GUCY2F: variants seen among roughly 807,000 people sequenced by gnomAD.
GUCY2F encodes guanylate cyclase 2F, retinal, also known as retinal guanylyl cyclase 2.
GUCY2F carries 61 observed loss-of-function variants against 73.1 expected under a neutral mutation model. That is an observed-to-expected ratio of 0.83 (90% confidence interval 0.68 to 1.03). The LOEUF (loss-of-function observed/expected upper bound fraction) is 1.03. Ranked by LOEUF, GUCY2F falls within the 50% of genes least tolerant of loss-of-function variation. The pLI is 0.00. For synonymous variants in GUCY2F, 331 were observed against 307.8 expected (o/e 1.08, Z -0.79); for missense variants, 912 against 854.3 (o/e 1.07, Z -0.84).
intron 11 of GUCY2F, 38 bp from the exon 12 acceptor site, chrX:109,395,527 G>A: frequency 8.8e-7 from 1 of 1,142,400 alleles, no homozygotes; most frequent in Admixed American, 2.4e-5. Flanking sequence ...TACAAATCAT[G>A]GAAAAAATGA....
intron 7 of GUCY2F, among the ~76,000 whole-genome samples, chrX:109,439,596 T>C (rs1268225848): frequency 9.0e-6 from 1 of 111,164 alleles, no homozygotes; most frequent in Non-Finnish European, 1.9e-5. Context: ...CATCTTACTA[T>C]AAGCAGTTAA....
At chrX:109,470,478 C>T (rs1371976917) in intron 2 of GUCY2F, among the ~76,000 whole-genome samples, 1 of 111,542 alleles carries the variant, frequency 9.0e-6, no homozygotes, top group African/African-American at 3.3e-5. Context: ...TACGTTGAGG[C>T]ACATAAAAGA....
Position 109,476,775 on chromosome X carries a change from CAGACTA to C in GUCY2F, c.-85-760_-85-755del, listed in dbSNP as rs202160564. Reference sequence around the variant, plus strand: ...ATAGATAGATAGATAGATAGATAGACAGACTATATATATATGTGTGTGTGTATATAT... The same window carrying C: ...ATAGATAGATAGATAGATAGATAGACTATATATATGTGTGTGTGTATATAT... On this transcript the variant is annotated intron_variant, in intron 1 of 19. Coordinates refer to ENST00000218006, the MANE Select transcript of GUCY2F (RefSeq NM_001522.3). Among the ~76,000 whole-genome samples, 950 of 95,320 alleles carry C rather than the reference CAGACTA, an allele frequency of 1.0e-2. 13 individuals are homozygous for C. Among genetic ancestry groups the C allele is most frequent in the East Asian group, 0.049 (166 of 3,397 alleles). 82.8% of individuals were successfully genotyped at this position (95,320 alleles called of 115,157 possible).
At chrX:109,418,530 AT>A (rs769225132) in intron 8 of GUCY2F, among the ~76,000 whole-genome samples, 74 of 111,909 alleles carry the variant, frequency 6.6e-4, no homozygotes, top group African/African-American at 2.2e-3. Context: ...ATATCTGGTA[AT>A]TAAGCATATA....
At chrX:109,461,897 A>C (rs1242032507) in intron 3 of GUCY2F, among the ~76,000 whole-genome samples, 1 of 112,661 alleles carries the variant, frequency 8.9e-6, no homozygotes, top group African/African-American at 3.2e-5. Context: ...TGACCTGTTG[A>C]CCAAATAGGG....
rs1021594310 is a variant in GUCY2F, at chrX:109,452,035, G to A, written c.1460C>T (p.Ala487Val). 2 of 1,043,011 alleles carry A rather than the reference G, an allele frequency of 1.9e-6. No individual in the cohort carries two copies. Among genetic ancestry groups the A allele is most frequent in the Non-Finnish European group, 2.7e-6 (2 of 741,974 alleles). The allele number at this position is 1,043,011 out of a possible 1,213,427, so 86.0% of individuals were successfully genotyped here. A position where few individuals can be genotyped will look rare whatever the true frequency, so the allele number is the denominator to read the frequency against. ...ACAAAAAATGTACCTTATAAAGTAA[G>A]CAAATCCATTAATAGACAGCAGGGC... ...LIALLSINGF[A>V]YFIRRRINKI... The change falls in exon 5 of 20, where the codon GCT becomes GTT. Residue 487 changes from alanine to valine, a missense_variant. By Grantham distance (64) the Ala-to-Val change is moderately conservative (BLOSUM62 0). Transcript: ENST00000218006.
chrX:109,404,368 T>A lies in GUCY2F; in HGVS notation c.2085A>T (p.Leu695Phe). 1 of 1,198,154 alleles carries A rather than the reference T, an allele frequency of 8.3e-7. No individual in the cohort carries two copies. Among genetic ancestry groups the A allele is most frequent in the Non-Finnish European group, 1.1e-6 (1 of 883,220 alleles). Residue 695 changes from leucine (L) to phenylalanine (F), a missense_variant, in exon 10 of 20, where the codon TTA becomes TTT. By Grantham distance (22) the Leu-to-Phe change is conservative (BLOSUM62 0). Coordinates refer to ENST00000218006, the MANE Select transcript of GUCY2F (RefSeq NM_001522.3). ...CCTCTTCAGAGAGTCTCAGCATTTC[T>A]AAGATGTCGTTAAAGCCATAATCTG... ...KVTDYGFNDI[L>F]EMLRLSEEES... is the part of the protein sequence containing the mutation.
intron 7 of GUCY2F, among the ~76,000 whole-genome samples, chrX:109,440,889 T>A (rs1308786670): frequency 1.8e-5 from 2 of 111,992 alleles, no homozygotes; most frequent in African/African-American, 6.5e-5. Context: ...GAAAAATAAA[T>A]AACTGAATAA....
chrX:109,466,547 T>G (rs1209598078), intron 2 of GUCY2F, among the ~76,000 whole-genome samples: 1 of 111,671 alleles, frequency 9.0e-6, no homozygotes, highest in Admixed American at 9.5e-5. Flanking sequence ...GAAAGTCTTA[T>G]ATCCAATTTT....
chrX:109,421,431 T>C (rs750712553), intron 8 of GUCY2F, among the ~76,000 whole-genome samples: 30 of 111,410 alleles, frequency 2.7e-4, no homozygotes, highest in Non-Finnish European at 4.9e-4. Context: ...TCCTGTCACA[T>C]GCTACAACAT....
At chrX:109,421,726 G>T (rs183395276) in intron 8 of GUCY2F, among the ~76,000 whole-genome samples, 114 of 111,410 alleles carry the variant, frequency 1.0e-3, no homozygotes, top group African/African-American at 3.6e-3. Context: ...AAATGGTTAA[G>T]ATGGTAAATT....
In GUCY2F at chrX:109,376,173, T is replaced by C; in HGVS notation, c.3151-6A>G. On this transcript the variant is annotated splice_polypyrimidine_tract_variant and splice_region_variant and intron_variant, in intron 17 of 19. Transcript: ENST00000218006. ...GTTTCCTCTGTGCCTTTGCCCTTAT[T>C]ATAGAAAACATAAAAAATCTTAAGC... 1.8e-6 allele frequency: 2 copies of C among 1,134,737 alleles called. No individual in the cohort carries two copies. The highest frequency in any genetic ancestry group is 2.4e-6 in the Non-Finnish European group (2 of 829,648). 93.5% of individuals were successfully genotyped at this position (1,134,737 alleles called of 1,213,427 possible). A position where few individuals can be genotyped will look rare whatever the true frequency, so the allele number is the denominator to read the frequency against.
chrX:109,412,109 C>T (rs916397621), intron 8 of GUCY2F, among the ~76,000 whole-genome samples: 1 of 111,571 alleles, frequency 9.0e-6, no homozygotes, highest in Non-Finnish European at 1.9e-5. Flanking sequence ...AAACTTACAA[C>T]ATGTTTACAC....
At chrX:109,408,969 A>G in intron 9 of GUCY2F, 23 bp downstream of exon 9, 1 of 887,088 alleles carries the variant, frequency 1.1e-6, no homozygotes, top group Non-Finnish European at 1.6e-6. Flanking sequence ...AAAATCCAAG[A>G]TTTCCTCAGT....
intron 2 of GUCY2F, among the ~76,000 whole-genome samples, chrX:109,473,113 C>T (rs745815110): frequency 9.0e-6 from 1 of 111,577 alleles, no homozygotes; most frequent in Non-Finnish European, 1.9e-5. Flanking sequence ...TCATCTGAAT[C>T]TGCCTATGTT....
intron 2 of GUCY2F, among the ~76,000 whole-genome samples, chrX:109,472,818 G>A (rs992194056): frequency 8.9e-6 from 1 of 111,949 alleles, no homozygotes; most frequent in African/African-American, 3.3e-5. Context: ...ATGGGTTGGG[G>A]CATTGTTTCC....
chrX:109,479,351 A>C (rs1174833247), intron 1 of GUCY2F, among the ~76,000 whole-genome samples: 1 of 112,204 alleles, frequency 8.9e-6, no homozygotes, highest in Non-Finnish European at 1.9e-5. Context: ...TTCAATAAAC[A>C]CTGGTTCTTC....
chrX:109,420,122 C>T (rs1931331461), intron 8 of GUCY2F, among the ~76,000 whole-genome samples: 1 of 106,931 alleles, frequency 9.4e-6, no homozygotes, highest in Non-Finnish European at 1.9e-5. Flanking sequence ...AAAAAATGAA[C>T]CTTGATCATT....
intron 1 of GUCY2F, among the ~76,000 whole-genome samples, chrX:109,480,019 C>T (rs1474700333): frequency 1.8e-5 from 2 of 111,717 alleles, no homozygotes. Flanking sequence ...CAGTGCCCTT[C>T]GCAGTGCCTG....
Sources: gnomAD v4.1 joint callset for allele counts (sites outside exome capture counted in the v4.1 genomes callset) on GRCh38, gnomAD v4.1.1 for gene constraint, MANE v1.5 for transcripts, NCBI Gene and HGNC (gene_info 2026-07-23, HGNC 2026-07-21) for gene names.